PTPRT: variants seen among roughly 807,000 people sequenced by gnomAD.
PTPRT encodes the protein protein tyrosine phosphatase receptor type T.
Under a neutral mutation model 176.8 loss-of-function variants are expected in PTPRT, and 56 were observed. That is an observed-to-expected ratio of 0.32 (90% CI 0.26 to 0.40). PTPRT has a LOEUF of 0.40. Ranked by LOEUF, PTPRT falls within the 10% of genes least tolerant of loss-of-function variation. The pLI is 1.00. For missense variants in PTPRT, 1,540 were observed against 1,908.2 expected (o/e 0.81, Z 3.60); for synonymous variants, 783 against 739.0 (o/e 1.06, Z -0.96).
At chr20:42,242,129 A>G (rs944972110) in intron 14 of PTPRT, among the ~76,000 whole-genome samples, 2 of 152,298 alleles carry the variant, frequency 1.3e-5, no homozygotes, top group East Asian at 3.9e-4. Context: ...ACAAAACAAA[A>G]TTTTGTGGCA....
chr20:42,838,363 T>C (rs1396728347), intron 2 of PTPRT, among the ~76,000 whole-genome samples: 1 of 152,216 alleles, frequency 6.6e-6, no homozygotes, highest in African/African-American at 2.4e-5. Flanking sequence ...AGCCAGTCTG[T>C]TGCCTAAGGA....
chr20:43,164,533 C>A (rs544199147), intron 1 of PTPRT, among the ~76,000 whole-genome samples: 9 of 152,258 alleles, frequency 5.9e-5, no homozygotes, highest in Non-Finnish European at 1.2e-4. Context: ...GTAGAGGGAA[C>A]AACTAGAGCC....
chr20:42,992,129 C>G (rs936628960), intron 1 of PTPRT, among the ~76,000 whole-genome samples: 1 of 152,106 alleles, frequency 6.6e-6, no homozygotes, highest in Non-Finnish European at 1.5e-5. Context: ...AAATAAAAGA[C>G]TGCCCAATTT....
chr20:42,974,778 C>T (rs1982845940), intron 1 of PTPRT, among the ~76,000 whole-genome samples: 1 of 152,172 alleles, frequency 6.6e-6, no homozygotes, highest in African/African-American at 2.4e-5. Flanking sequence ...TCCACTTATC[C>T]CAATCCTTAA....
intron 7 of PTPRT, among the ~76,000 whole-genome samples, chr20:42,486,581 G>A (rs1454863302): frequency 6.6e-6 from 1 of 152,060 alleles, no homozygotes; most frequent in East Asian, 1.9e-4. Context: ...CATTGTTAGT[G>A]GGATGTTGTC....
chr20:42,328,710 T>C (rs192859861), intron 11 of PTPRT, among the ~76,000 whole-genome samples: 107 of 148,698 alleles, frequency 7.2e-4, no homozygotes, highest in Admixed American at 1.3e-3. Context: ...TAAGAGAAAT[T>C]TGCTGGAGGT....
At chr20:42,184,515 CCTCCTTCTTCTTCTTCTTCCTCTT>C (rs1568651910) in intron 16 of PTPRT, among the ~76,000 whole-genome samples, 51 of 71,566 alleles carry the variant, frequency 7.1e-4, no homozygotes, top group African/African-American at 2.0e-3. Context: ...TCCTCCTCCT[CCTCCTTCTTCTTCTTCTTCCTCTT>C]CCTCTTCTTC....
At chr20:42,745,053 G>C (rs982852781) in intron 6 of PTPRT, among the ~76,000 whole-genome samples, 41 of 152,202 alleles carry the variant, frequency 2.7e-4, no homozygotes, top group African/African-American at 7.2e-4. Context: ...GAAATGGGGA[G>C]TCAGTCTGCA....
intron 18 of PTPRT, among the ~76,000 whole-genome samples, chr20:42,131,068 G>A (rs79410534): frequency 0.032 from 4,846 of 152,202 alleles, 243 homozygotes; most frequent in African/African-American, 0.11. Context: ...AGGACTTCTC[G>A]GTTAGGTTTA....
At chr20:42,203,961 C>T (rs1032857855) in intron 15 of PTPRT, among the ~76,000 whole-genome samples, 6 of 152,164 alleles carry the variant, frequency 3.9e-5, no homozygotes, top group Admixed American at 3.3e-4. Context: ...CTCTTTGCAC[C>T]TACTCCAATT....
intron 7 of PTPRT, among the ~76,000 whole-genome samples, chr20:42,506,761 G>C (rs185630827): frequency 6.6e-6 from 1 of 152,058 alleles, no homozygotes; most frequent in Admixed American, 6.6e-5. Context: ...TTTGTGTAAG[G>C]TTACAGAATC....
chr20:42,871,038 C>G (rs1425996742), intron 2 of PTPRT, among the ~76,000 whole-genome samples: 1 of 151,702 alleles, frequency 6.6e-6, no homozygotes, highest in East Asian at 1.9e-4. Context: ...GCAACCTCCA[C>G]CTCCCGGGTT....
In PTPRT at chr20:42,186,779, T is replaced by C. The variant is rs117039980; in HGVS notation, c.2491+12461A>G. 1.4e-3 allele frequency among the ~76,000 whole-genome samples: 210 copies of C among 151,848 alleles called. 4 individuals carry two copies. The East Asian group carries it at 0.03, about 22-fold the overall frequency. On this transcript the variant is annotated intron_variant, in intron 16 of 30. Transcript: ENST00000373187. Reference sequence around the variant, plus strand: ...GATGGATATGAGGATTATTTAGGAGTTGTGGATCTTATTCAGGTAAGAGAT... The same window carrying C: ...GATGGATATGAGGATTATTTAGGAGCTGTGGATCTTATTCAGGTAAGAGAT...
intron 1 of PTPRT, among the ~76,000 whole-genome samples, chr20:43,083,320 G>GTGTGTGTGTATATATA (rs1299320498): frequency 8.0e-5 from 3 of 37,386 alleles, no homozygotes; most frequent in African/African-American, 2.0e-4. Context: ...CACTTCAAAT[G>GTGTGTGTGTATATATA]TATATATATA....
chr20:42,945,149 G>C lies in PTPRT; in HGVS notation c.89-59217C>G, dbSNP rs374981428. ...TTTATATATTATGTAAAGATAATAT[G>C]TATCTTTACATTTATTATAATGTAA... On this transcript the variant is annotated intron_variant, in intron 1 of 30. Coordinates refer to ENST00000373187, the MANE Select transcript of PTPRT (RefSeq NM_007050.6). Among the ~76,000 whole-genome samples the C allele has an allele frequency of 2.1e-4, 31 of 149,904 alleles. No homozygotes were observed. In the East Asian group the frequency reaches 5.1e-3, roughly 24 times the overall value.
At chr20:42,525,464 G>C (rs1303143094) in intron 7 of PTPRT, among the ~76,000 whole-genome samples, 1 of 152,120 alleles carries the variant, frequency 6.6e-6, no homozygotes, top group Non-Finnish European at 1.5e-5. Flanking sequence ...AGGCAGTGCT[G>C]TATATTCACT....
At chr20:43,070,155 G>A (rs1256398563) in intron 1 of PTPRT, among the ~76,000 whole-genome samples, 1 of 152,054 alleles carries the variant, frequency 6.6e-6, no homozygotes, top group African/African-American at 2.4e-5. Context: ...CTTTCAAGAT[G>A]CAGTGCATGC....
rs374153721 is a variant in PTPRT at position 42,694,035 on chromosome 20, ATTTTCTT to A, written c.860-15883_860-15877del. ...CTCCAGGTTTTTTTTCTTTTATTTTATTTTCTTTTTTTTTTTTTTTTGAGCCAGAGTC... is the reference window on the plus strand; with the variant it reads ...CTCCAGGTTTTTTTTCTTTTATTTTATTTTTTTTTTTTTTGAGCCAGAGTC... On this transcript the variant is annotated intron_variant, in intron 6 of 30. Coordinates refer to ENST00000373187, the MANE Select transcript of PTPRT (RefSeq NM_007050.6). Among the ~76,000 whole-genome samples the A allele has an allele frequency of 5.6e-5, 8 of 143,744 alleles. No homozygotes were observed. In the South Asian group the frequency reaches 1.1e-3, roughly 20 times the overall value. 94.3% of individuals were successfully genotyped at this position (143,744 alleles called of 152,430 possible). A position where few individuals can be genotyped will look rare whatever the true frequency, so the allele number is the denominator to read the frequency against.
intron 5 of PTPRT, among the ~76,000 whole-genome samples, chr20:42,770,276 C>A (rs1453640814): frequency 6.6e-6 from 1 of 152,136 alleles, no homozygotes; most frequent in Non-Finnish European, 1.5e-5. Context: ...GCACTCGCCA[C>A]CACGCCCAGC....
Sources: gnomAD v4.1 joint callset for allele counts (sites outside exome capture counted in the v4.1 genomes callset) on GRCh38, gnomAD v4.1.1 for gene constraint, MANE v1.5 for transcripts, NCBI Gene and HGNC (gene_info 2026-07-23, HGNC 2026-07-21) for gene names.